Variants in ABCC1 observed in about 807,000 individuals in gnomAD.
ABCC1 encodes the protein multidrug resistance-associated protein 1.
A neutral mutation model predicts 172.9 loss-of-function variants in ABCC1; 83 were observed. That is an observed-to-expected ratio of 0.48 (90% confidence interval 0.40 to 0.58). The LOEUF (loss-of-function observed/expected upper bound fraction) is 0.58, where lower values mean the gene tolerates loss of function less well. ABCC1 is among the 20% of genes least tolerant of loss of function. The pLI, the probability that ABCC1 is intolerant of heterozygous loss-of-function variation, is 0.00. For missense variants in ABCC1, 1,817 were observed against 2,002.7 expected, an observed-to-expected ratio of 0.91 and a Z score of 1.77; for synonymous variants, 937 against 825.2, an observed-to-expected ratio of 1.14 and a Z score of -2.32.
At chr16:16,121,677 G>A (rs1395450873) in intron 23 of ABCC1, among the ~76,000 whole-genome samples, 1 of 152,174 alleles carries the variant, frequency 6.6e-6, no homozygotes, top group Non-Finnish European at 1.5e-5. Flanking sequence ...ATAGGAATGA[G>A]CACCTCAGGT....
rs909765713 is a variant in ABCC1, at chr16:16,083,369, T to G, written c.2119T>G (p.Ser707Ala). ...KVEGHVAIKGSVAYVPQQAWI... is the reference protein window; with the variant it reads ...KVEGHVAIKGAVAYVPQQAWI... ...TCGTTCTCCATTTGCAACTTAGGGCTCCGTGGCCTATGTGCCACAGCAGGC... is the reference window on the plus strand; with the variant it reads ...TCGTTCTCCATTTGCAACTTAGGGCGCCGTGGCCTATGTGCCACAGCAGGC... The change falls in exon 17 of 31, where the codon TCC becomes GCC. Residue 707 changes from serine to alanine, a missense_variant. Coordinates refer to ENST00000399410, the MANE Select transcript of ABCC1 (RefSeq NM_004996.4). The G allele has an allele frequency of 1.2e-6, 2 of 1,613,162 alleles. No homozygotes were observed. The highest frequency in any genetic ancestry group is 2.2e-5 in the East Asian group (1 of 44,896).
chr16:16,100,614 C>A (rs774343273), intron 19 of ABCC1, among the ~76,000 whole-genome samples: 2 of 152,190 alleles, frequency 1.3e-5, no homozygotes, highest in Non-Finnish European at 2.9e-5. Context: ...AAAACAGATG[C>A]TGACATTAAA....
At chr16:16,073,759 A>G (rs1262154380) in intron 14 of ABCC1, among the ~76,000 whole-genome samples, 1 of 152,222 alleles carries the variant, frequency 6.6e-6, no homozygotes, top group African/African-American at 2.4e-5. Flanking sequence ...CCTGTCTCAA[A>G]AAACAAACAA....
intron 7 of ABCC1, among the ~76,000 whole-genome samples, chr16:16,039,266 C>CTT (rs1202497870): frequency 3.9e-4 from 34 of 87,738 alleles, no homozygotes; most frequent in South Asian, 7.0e-4. Context: ...TGTGTGTTTT[C>CTT]TTTTTTTTTT....
chr16:16,090,482 C>T lies in ABCC1; in HGVS notation c.2538C>T (p.Ile846=). ...DVIIVMSGGK[I]SEMGSYQELL... ...TCATCGTCATGAGTGGCGGCAAGAT[C>T]TCTGAGATGGGCTCCTACCAGGAGC... The change falls in exon 19 of 31, where the codon ATC becomes ATT. Residue 846 remains isoleucine, a synonymous_variant. Transcript: ENST00000399410. 6.2e-7 allele frequency: 1 copy of T among 1,613,924 alleles called. No homozygotes were observed. Among genetic ancestry groups the T allele is most frequent in the Non-Finnish European group, 8.5e-7 (1 of 1,179,974 alleles).
At chr16:16,107,509 T>C (rs1363720856) in intron 21 of ABCC1, among the ~76,000 whole-genome samples, 1 of 152,248 alleles carries the variant, frequency 6.6e-6, no homozygotes, top group African/African-American at 2.4e-5. Context: ...AGGCTGGTCT[T>C]GAACTCCTGA....
In ABCC1 at chr16:16,052,819, A is replaced by T; in HGVS notation, c.1473+3A>T. On this transcript the variant is annotated splice_donor_region_variant and intron_variant, in intron 11 of 30. Coordinates refer to ENST00000399410, the MANE Select transcript of ABCC1 (RefSeq NM_004996.4). Reference sequence around the variant, plus strand: ...CGATGAAGACCAAGACGTATCAGGTAAGGCATGTGTCTCTGCGGGCCCCCA... The same window carrying T: ...CGATGAAGACCAAGACGTATCAGGTTAGGCATGTGTCTCTGCGGGCCCCCA... 6.2e-7 allele frequency: 1 copy of T among 1,614,144 alleles called. No individual in the cohort carries two copies. The highest frequency in any genetic ancestry group is 1.1e-5 in the South Asian group (1 of 91,076).
At chr16:16,085,711 C>T (rs1447309264) in intron 17 of ABCC1, among the ~76,000 whole-genome samples, 5 of 152,160 alleles carry the variant, frequency 3.3e-5, no homozygotes, top group Admixed American at 6.5e-5. Context: ...ACCTGGGAAG[C>T]GGAGATTACA....
intron 12 of ABCC1, 164 bp downstream of exon 12, chr16:16,056,459 G>A: frequency 1.4e-6 from 1 of 728,806 alleles, no homozygotes; most frequent in Non-Finnish European, 2.2e-6. Flanking sequence ...CTGAGGTCAG[G>A]AGTTCAAGAC....
At chr16:15,970,024 C>CAATA (rs1371852683) in intron 1 of ABCC1, among the ~76,000 whole-genome samples, 2 of 152,074 alleles carry the variant, frequency 1.3e-5, no homozygotes, top group Non-Finnish European at 2.9e-5. Flanking sequence ...CCGGTGAGTG[C>CAATA]AATAGCGGGG....
intron 26 of ABCC1, 87 bp from the exon 27 acceptor site, chr16:16,131,702 G>C (rs140631910): frequency 2.7e-6 from 4 of 1,498,220 alleles, no homozygotes; most frequent in East Asian, 2.3e-5. Flanking sequence ...TTGGGCAGCA[G>C]AGTGAGTGAG....
chr16:15,986,708 G>A (rs1458969650), intron 1 of ABCC1, among the ~76,000 whole-genome samples: 1 of 152,160 alleles, frequency 6.6e-6, no homozygotes, highest in Non-Finnish European at 1.5e-5. Flanking sequence ...AATGATACCT[G>A]CAGAGTCCCT....
rs748346764 is a variant in ABCC1 at position 16,125,790 on chromosome 16, C to T, written c.3718-20C>T. The T allele has an allele frequency of 2.5e-5, 40 of 1,579,948 alleles. No individual in the cohort carries two copies. Among genetic ancestry groups the T allele is most frequent in the African/African-American group, 9.5e-5 (7 of 73,670 alleles). ...ACGCCCGCTTACTCTAGAAATGCCA[C>T]GTGACTCTTCCACTCACAGGTCACC... On this transcript the variant is annotated intron_variant, in intron 25 of 30. Transcript: ENST00000399410.
At chr16:16,087,047 C>T in intron 18 of ABCC1, 56 bp downstream of exon 18, 1 of 1,591,670 alleles carries the variant, frequency 6.3e-7, no homozygotes. Flanking sequence ...TTGGTTAAGT[C>T]AGAACGTGTC....
chr16:16,095,414 T>C (rs113292833), intron 19 of ABCC1, among the ~76,000 whole-genome samples: 15 of 152,326 alleles, frequency 9.8e-5, no homozygotes, highest in African/African-American at 3.6e-4. Flanking sequence ...TGGAGACATG[T>C]TGGGATGTCA....
At position 16,071,690 on chromosome 16, in the gene ABCC1, C is replaced by G. The variant is rs983944894; in HGVS notation, c.1873C>G (p.Leu625Val). The G allele has an allele frequency of 6.2e-7, 1 of 1,614,060 alleles. No homozygotes were observed. The highest frequency in any genetic ancestry group is 8.5e-7 in the Non-Finnish European group (1 of 1,179,984). Residue 625 changes from leucine (L) to valine (V), a missense_variant, in exon 14 of 31, where the codon CTG becomes GTG. Around this residue, in one of 3 missense-constraint regions of ABCC1, gnomAD observed 1,412 missense variants for 1,600.3 expected, o/e 0.88. Transcript: ENST00000399410. ...RLRIFLSHEE[L>V]EPDSIERRPV... ...GAGGATCTTTCTCTCCCATGAGGAG[C>G]TGGAACCTGACAGCATCGAGCGACG...
At chr16:16,122,317 G>T (rs566019262) in intron 24 of ABCC1, 143 bp downstream of exon 24, 1 of 847,834 alleles carries the variant, frequency 1.2e-6, no homozygotes, top group African/African-American at 1.7e-5. Context: ...CTTGATGAGC[G>T]CGGAGGACAG....
intron 23 of ABCC1, among the ~76,000 whole-genome samples, chr16:16,115,855 T>G (rs1471491666): frequency 6.6e-6 from 1 of 151,942 alleles, no homozygotes; most frequent in East Asian, 1.9e-4. Flanking sequence ...TTTAAAAATT[T>G]AAAAAATCTT....
chr16:16,114,741 G>A, intron 22 of ABCC1, 25 bp from the exon 23 acceptor site: 1 of 1,565,064 alleles, frequency 6.4e-7, no homozygotes, highest in Non-Finnish European at 8.7e-7. Flanking sequence ...CTGCATTGTG[G>A]AGTTTTAACT....
Sources: gnomAD v4.1 joint callset for allele counts (sites outside exome capture counted in the v4.1 genomes callset) on GRCh38, gnomAD v4.1.1 for gene constraint, gnomAD v4.1.1 regional missense constraint, MANE v1.5 for transcripts, NCBI Gene and HGNC (gene_info 2026-07-23, HGNC 2026-07-21) for gene names.